Variants in TNK2 observed in about 807,000 individuals in gnomAD.
The protein encoded by TNK2 is activated CDC42 kinase 1.
Under a neutral mutation model 101.8 loss-of-function variants are expected in TNK2, and 83 were observed. That is an observed-to-expected ratio of 0.82 (90% CI 0.68 to 0.98). The LOEUF is 0.98. Among genes scored for constraint, TNK2 ranks in the 50% least tolerant of loss-of-function variants. The probability of loss-of-function intolerance (pLI) is 0.00; values close to 1 mark genes in which losing one functional copy is unlikely to be tolerated. For missense variants in TNK2, 1,665 were observed against 1,483.2 expected (o/e 1.12, Z -2.01); for synonymous variants, 804 against 633.0 (o/e 1.27, Z -4.06).
At chr3:195,892,347 G>C in intron 1 of TNK2, 6 of 1,428,374 alleles carry the variant, frequency 4.2e-6, no homozygotes, top group South Asian at 4.0e-5. Context: ...CTGCCTCTCA[G>C]TCAAGTGCTG....
intron 15 of TNK2, among the ~76,000 whole-genome samples, chr3:195,864,692 G>A (rs3890034): frequency 0.1 from 10,992 of 104,944 alleles, 1,172 homozygotes; most frequent in Admixed American, 0.13. Flanking sequence ...GAGTGCCTGC[G>A]TCCCAGATGC....
At chr3:195,884,712 G>A (rs929619479) in intron 4 of TNK2, 100 bp downstream of exon 4, 12 of 1,067,286 alleles carry the variant, frequency 1.1e-5, no homozygotes, top group African/African-American at 3.2e-5. Context: ...ACACTGTGAC[G>A]CATCCCCAGT....
chr3:195,892,051 CA>C, intron 1 of TNK2: 1 of 1,022,618 alleles, frequency 9.8e-7, no homozygotes, highest in Non-Finnish European at 1.2e-6. Flanking sequence ...GGTGACTCCG[CA>C]GGGGTCCGCC....
At chr3:195,891,038 G>GT (rs1381647464) in intron 1 of TNK2, among the ~76,000 whole-genome samples, 3 of 152,130 alleles carry the variant, frequency 2.0e-5, no homozygotes, top group Non-Finnish European at 4.4e-5. Flanking sequence ...TTCCCACTGT[G>GT]TTGCTTGTTT....
chr3:195,883,391 G>A (rs879239083), intron 4 of TNK2, 82 bp from the exon 5 acceptor site: 8 of 1,538,182 alleles, frequency 5.2e-6, no homozygotes, highest in Admixed American at 1.7e-5. Context: ...CCTCCAACTC[G>A]GCTCAACGAT....
rs1279348848 is a variant in TNK2 at position 195,866,729 on chromosome 3, C to T, written c.3161+160G>A. ...TCCAAATAAACACATTTAGGAAAAA[C>T]GATTTGCTGGGCCCTGTGAGCGCCT... On this transcript the variant is annotated intron_variant, in intron 15 of 15. Coordinates refer to ENST00000672887, the MANE Select transcript of TNK2 (RefSeq NM_001382273.1). 2.0e-5 allele frequency among the ~76,000 whole-genome samples: 3 copies of T among 152,330 alleles called. No individual in the cohort carries two copies. In the East Asian group the frequency reaches 5.8e-4, roughly 29 times the overall value.
At chr3:195,887,122 T>A in intron 2 of TNK2, 75 bp from the exon 3 acceptor site, 1 of 1,499,114 alleles carries the variant, frequency 6.7e-7, no homozygotes, top group Non-Finnish European at 9.2e-7. Context: ...GTGGTCCCCT[T>A]GGGGGTGAGC....
At chr3:195,907,743 G>A (rs1761888212) in intron 1 of TNK2, among the ~76,000 whole-genome samples, 1 of 152,216 alleles carries the variant, frequency 6.6e-6, no homozygotes, top group Non-Finnish European at 1.5e-5. Context: ...CAGGTGCAGA[G>A]CCCATGATAC....
intron 1 of TNK2, among the ~76,000 whole-genome samples, chr3:195,898,728 T>C (rs1247453930): frequency 6.6e-6 from 1 of 152,114 alleles, no homozygotes; most frequent in Non-Finnish European, 1.5e-5. Context: ...TGGGCTCAAG[T>C]GACCCTCCCA....
chr3:195,885,967 TTA>T lies in TNK2; in HGVS notation c.235-936_235-935del, dbSNP rs1755415141. 1 of 183,994 alleles carries T rather than the reference TTA, an allele frequency of 5.4e-6. No homozygotes were observed. Among genetic ancestry groups the T allele is most frequent in the African/African-American group, 2.4e-5 (1 of 42,094 alleles). 11.4% of individuals were successfully genotyped at this position (183,994 alleles called of 1,614,324 possible). A position where few individuals can be genotyped will look rare whatever the true frequency, so the allele number is the denominator to read the frequency against. The stretch of plus-strand genomic sequence containing the variant: ...GCTTCCTCCCAGTAACTAGAATTCC[TTA>T]TGTTTGCAAGCAATGTTCAGGTTAC... On this transcript the variant is annotated intron_variant, in intron 3 of 15. Transcript: ENST00000672887. The surrounding 1 kb of genome is among the most constrained non-coding windows in gnomAD (Gnocchi z 4.7).
chr3:195,868,210 A>C lies in TNK2; in HGVS notation c.2088T>G (p.Pro696=). The change falls in exon 13 of 16, where the codon CCT becomes CCG. Residue 696 remains proline (P), a synonymous_variant. Coordinates refer to ENST00000672887, the MANE Select transcript of TNK2 (RefSeq NM_001382273.1). ...AFVPEQARPP[P]PLEDNLFLPP... The stretch of plus-strand genomic sequence containing the variant: ...GGAGGAACAGGTTGTCCTCCAGGGG[A>C]GGGGGCGGCCGCGCCTGCTCAGGCA... The C allele has an allele frequency of 6.2e-7, 1 of 1,607,564 alleles. No individual in the cohort carries two copies. The highest frequency in any genetic ancestry group is 8.5e-7 in the Non-Finnish European group (1 of 1,178,864).
intron 9 of TNK2, among the ~76,000 whole-genome samples, chr3:195,873,356 T>C (rs12487782): frequency 0.46 from 69,524 of 151,946 alleles, 16,815 homozygotes; most frequent in South Asian, 0.68. Context: ...CTCTCACAGG[T>C]TGTGAGGCTC....
intron 1 of TNK2, chr3:195,892,345 C>T: frequency 7.1e-7 from 1 of 1,413,394 alleles, no homozygotes; most frequent in Non-Finnish European, 9.4e-7. Flanking sequence ...TTCTGCCTCT[C>T]AGTCAAGTGC....
At position 195,892,473 on chromosome 3, in the gene TNK2, G is replaced by C; in HGVS notation, c.-18-3867C>G. The C allele has an allele frequency of 1.2e-5, 18 of 1,535,616 alleles. 1 individual carries two copies. Among genetic ancestry groups the C allele is most frequent in the Non-Finnish European group, 1.6e-5 (18 of 1,146,672 alleles). On this transcript the variant is annotated intron_variant, in intron 1 of 15. Transcript: ENST00000672887. ...AAGGAGAGCTCCAGGCCAGGGAACC[G>C]ACGTGCTGCCGGCATCTCCACGCAG...
At chr3:195,868,920 C>T in intron 12 of TNK2, 1 of 584,880 alleles carries the variant, frequency 1.7e-6, no homozygotes. Flanking sequence ...TGCCCGGCAG[C>T]CCCATGTGGG....
intron 9 of TNK2, 34 bp from the exon 10 acceptor site, chr3:195,872,504 C>G: frequency 6.5e-7 from 1 of 1,548,344 alleles, no homozygotes; most frequent in Non-Finnish European, 8.7e-7. Flanking sequence ...GAACGCCAGG[C>G]GTGGCGGGGC....
chr3:195,872,403 C>T lies in TNK2; in HGVS notation c.1324G>A (p.Val442Met), dbSNP rs1393270307. The change falls in exon 10 of 16, where the codon GTG becomes ATG. Residue 442 changes from valine (V) to methionine (M), a missense_variant. Physicochemically the swap from Val to Met is conservative, Grantham distance 21. This residue lies in a region of TNK2 where 1,136 missense variants were observed against 894.9 expected (regional missense o/e 1.27). Transcript: ENST00000672887. ...TLCVGPFPRN[V>M]VTSVAGLSAQ... Reference sequence around the variant, plus strand: ...GACAGGCCGGCCACGGAGGTCACCACGTTGCGAGGGAAGGGCCCCACACAC... The same window carrying T: ...GACAGGCCGGCCACGGAGGTCACCATGTTGCGAGGGAAGGGCCCCACACAC... 3 of 1,613,136 alleles carry T rather than the reference C, an allele frequency of 1.9e-6. No homozygotes were observed. The highest frequency in any genetic ancestry group is 8.5e-7 in the Non-Finnish European group (1 of 1,179,768).
rs777342470 is a variant in TNK2 at position 195,884,960 on chromosome 3, G to A, written c.308C>T (p.Pro103Leu). The change falls in exon 4 of 16, where the codon CCC (proline) becomes CTC (leucine). Residue 103 changes from proline to leucine, a missense_variant. This residue lies in a region of TNK2 where 490 missense variants were observed against 522.5 expected (regional missense o/e 0.94). Transcript: ENST00000672887. ...CTCCCCTGCTGGGCCCCCAGGGGCG[G>A]GCGAGGTCTTCCGGAAGGTGCTCTG... ...HSQSTFRKTSPAPGGPAGEGP... is the reference protein window; with the variant it reads ...HSQSTFRKTSLAPGGPAGEGP... The A allele has an allele frequency of 6.2e-7, 1 of 1,613,858 alleles. No homozygotes were observed. The highest frequency in any genetic ancestry group is 1.7e-5 in the Admixed American group (1 of 60,012).
At chr3:195,883,622 A>T in intron 4 of TNK2, 3 of 226,322 alleles carry the variant, frequency 1.3e-5, no homozygotes, top group East Asian at 9.8e-5. Context: ...ATAAAATGGA[A>T]TTTTTTTTTT....
Sources: gnomAD v4.1 joint callset for allele counts (sites outside exome capture counted in the v4.1 genomes callset) on GRCh38, gnomAD v4.1.1 for gene constraint, gnomAD v4.1.1 regional missense constraint, Gnocchi (gnomAD v3.1) non-coding constraint, MANE v1.5 for transcripts, NCBI Gene and HGNC (gene_info 2026-07-23, HGNC 2026-07-21) for gene names.